Variants in CEP170 observed in about 807,000 individuals in gnomAD.
CEP170 encodes the protein centrosomal protein of 170 kDa.
In CEP170, 21 loss-of-function variants were observed where a neutral mutation model predicts 151.9. The ratio of observed to expected loss-of-function variants is 0.14; its 90% CI spans 0.10 to 0.20. The LOEUF (loss-of-function observed/expected upper bound fraction) is 0.20. CEP170 is among the 10% of genes least tolerant of loss of function. The probability of loss-of-function intolerance (pLI) is 1.00; values close to 1 mark genes in which losing one functional copy is unlikely to be tolerated. For synonymous variants in CEP170, 356 were observed against 648.8 expected (o/e 0.55, Z 6.86); for missense variants, 964 against 1,892.9 (o/e 0.51, Z 9.11).
intron 7 of CEP170, among the ~76,000 whole-genome samples, chr1:243,195,080 A>T (rs185041004): frequency 7.2e-5 from 11 of 151,956 alleles, no homozygotes; most frequent in African/African-American, 2.7e-4. Flanking sequence ...GACTATAATT[A>T]TAACAGCTCA....
At chr1:243,205,478 G>C (rs2061351544) in intron 4 of CEP170, among the ~76,000 whole-genome samples, 1 of 152,118 alleles carries the variant, frequency 6.6e-6, no homozygotes, top group Non-Finnish European at 1.5e-5. Flanking sequence ...TAATAGATTG[G>C]GCATAGCGAT....
At chr1:243,218,269 G>C (rs1346196858) in intron 3 of CEP170, among the ~76,000 whole-genome samples, 1 of 152,206 alleles carries the variant, frequency 6.6e-6, no homozygotes, top group Admixed American at 6.5e-5. Flanking sequence ...AGTGTGTCTG[G>C]AACACAGACT....
At chr1:243,167,776 T>C (rs1205809989) in intron 12 of CEP170, among the ~76,000 whole-genome samples, 2 of 152,032 alleles carry the variant, frequency 1.3e-5, no homozygotes, top group Middle Eastern at 3.4e-3. Context: ...ATATCTTGTT[T>C]TGTTTCTTCT....
At chr1:243,126,816 T>A in intron 19 of CEP170, 78 bp from the exon 20 acceptor site, 3 of 1,157,168 alleles carry the variant, frequency 2.6e-6, no homozygotes, top group Middle Eastern at 2.0e-4. Flanking sequence ...TGGATAATAT[T>A]TAAACTATCA....
chr1:243,184,606 G>A (rs2789122), intron 10 of CEP170, among the ~76,000 whole-genome samples: 2 of 151,984 alleles, frequency 1.3e-5, no homozygotes, highest in East Asian at 1.9e-4. Flanking sequence ...GAAATTATAC[G>A]TACTCTCTTA....
chr1:243,144,668 T>A (rs2056253876), intron 14 of CEP170, among the ~76,000 whole-genome samples: 1 of 152,186 alleles, frequency 6.6e-6, no homozygotes, highest in Admixed American at 6.5e-5. Flanking sequence ...CAGTATAAAT[T>A]AATTAGAAAA....
At chr1:243,235,735 C>A (rs1311361998) in intron 1 of CEP170, among the ~76,000 whole-genome samples, 1 of 151,048 alleles carries the variant, frequency 6.6e-6, no homozygotes, top group Non-Finnish European at 1.5e-5. Context: ...CCAAATACCA[C>A]ACCACATATT....
intron 1 of CEP170, among the ~76,000 whole-genome samples, chr1:243,242,222 T>C (rs1222754669): frequency 1.3e-5 from 2 of 152,108 alleles, no homozygotes; most frequent in Non-Finnish European, 2.9e-5. Flanking sequence ...ATGAGTTATG[T>C]TCTTTTTTCT....
chr1:243,213,106 T>C (rs1251084471), intron 3 of CEP170, among the ~76,000 whole-genome samples: 1 of 152,194 alleles, frequency 6.6e-6, no homozygotes, highest in Non-Finnish European at 1.5e-5. Flanking sequence ...AGGTATTTCA[T>C]ATTCTTTTTT....
chr1:243,151,840 G>C (rs1012301878), intron 14 of CEP170, among the ~76,000 whole-genome samples: 1 of 152,198 alleles, frequency 6.6e-6, no homozygotes, highest in African/African-American at 2.4e-5. Context: ...GCAATGCCCA[G>C]CTTCAAAGCT....
At position 243,198,905 on chromosome 1, in the gene CEP170, TTAAAA is replaced by T. The variant is rs542224205; in HGVS notation, c.631+150_631+154del. 1.5e-4 allele frequency among the ~76,000 whole-genome samples: 23 copies of T among 151,042 alleles called. 1 individual carries two copies. The highest frequency in any genetic ancestry group is 5.1e-4 in the African/African-American group (21 of 41,174). On this transcript the variant is annotated intron_variant, in intron 7 of 19. Coordinates refer to ENST00000366542, the MANE Select transcript of CEP170 (RefSeq NM_014812.3). ...ATCACACATAATTTTAAATTTTACA[TTAAAA>T]TAACAAGGCCATTAAAACATTCATC...
At chr1:243,215,388 G>T (rs953374845) in intron 3 of CEP170, among the ~76,000 whole-genome samples, 15 of 152,300 alleles carry the variant, frequency 9.8e-5, no homozygotes, top group African/African-American at 3.6e-4. Flanking sequence ...AAGCGAATAG[G>T]AGAAATATCG....
chr1:243,243,623 A>G (rs549629479), intron 1 of CEP170, among the ~76,000 whole-genome samples: 2 of 152,090 alleles, frequency 1.3e-5, no homozygotes, highest in South Asian at 4.2e-4. Context: ...TCCCAGGTTC[A>G]AGTGATTCTC....
intron 3 of CEP170, 44 bp downstream of exon 3, chr1:243,221,680 T>C (rs373455630): frequency 3.3e-5 from 50 of 1,522,590 alleles, no homozygotes; most frequent in Non-Finnish European, 4.3e-5. Context: ...CTTACAATAT[T>C]AAACAAATGT....
At chr1:243,173,980 C>T (rs938453644) in intron 10 of CEP170, among the ~76,000 whole-genome samples, 6 of 152,202 alleles carry the variant, frequency 3.9e-5, no homozygotes, top group South Asian at 4.2e-4. Context: ...TGTATAATTG[C>T]GACATAGTAG....
At chr1:243,197,838 AT>A in intron 7 of CEP170, among the ~76,000 whole-genome samples, 1 of 152,014 alleles carries the variant, frequency 6.6e-6, no homozygotes, top group South Asian at 2.1e-4. Context: ...GTGCTAAGTA[AT>A]ACTGTTTCTG....
At chr1:243,249,941 C>A (rs578009876) in intron 1 of CEP170, among the ~76,000 whole-genome samples, 1 of 152,088 alleles carries the variant, frequency 6.6e-6, no homozygotes, top group East Asian at 1.9e-4. Context: ...ATTAGCCGGG[C>A]GTGCCTGTAG....
intron 1 of CEP170, among the ~76,000 whole-genome samples, chr1:243,252,467 C>G (rs1323745122): frequency 6.6e-6 from 1 of 151,736 alleles, no homozygotes; most frequent in African/African-American, 2.4e-5. Context: ...CAATCAGATA[C>G]AATAATAAAA....
chr1:243,165,568 T>C lies in CEP170; in HGVS notation c.2392A>G (p.Lys798Glu). The C allele has an allele frequency of 3.1e-6, 5 of 1,613,930 alleles. No individual in the cohort carries two copies. The highest frequency in any genetic ancestry group is 3.4e-6 in the Non-Finnish European group (4 of 1,179,874). The change falls in exon 13 of 20, where the codon AAA (lysine) becomes GAA (glutamate). Residue 798 changes from lysine (K) to glutamate (E), a missense_variant. Physicochemically the swap from Lys to Glu is moderately conservative, Grantham distance 56. Transcript: ENST00000366542. ...TCACTTTGTGCCACTCTGTCTCCTT[T>C]GCTTGTAGAATGTCCTGAATTTTTT... ...PEKNSGHSTS[K>E]GDRVAQSESK...
Sources: gnomAD v4.1 joint callset for allele counts (sites outside exome capture counted in the v4.1 genomes callset) on GRCh38, gnomAD v4.1.1 for gene constraint, MANE v1.5 for transcripts, NCBI Gene and HGNC (gene_info 2026-07-23, HGNC 2026-07-21) for gene names.